PDE1C: variants seen among roughly 807,000 people sequenced by gnomAD.
The protein encoded by PDE1C is dual specificity calcium/calmodulin-dependent 3',5'-cyclic nucleotide phosphodiesterase 1C.
PDE1C carries 62 observed loss-of-function variants against 93.1 expected under a neutral mutation model. The observed-to-expected ratio is 0.67, with a 90% CI of 0.54 to 0.82. The LOEUF is 0.82. PDE1C is among the 40% of genes least tolerant of loss of function. The pLI, the probability that PDE1C is intolerant of heterozygous loss-of-function variation, is 0.00. For synonymous variants in PDE1C, 325 were observed against 310.1 expected, an observed-to-expected ratio of 1.05 and a Z score of -0.50; for missense variants, 742 against 884.6, an observed-to-expected ratio of 0.84 and a Z score of 2.04.
intron 1 of PDE1C, among the ~76,000 whole-genome samples, chr7:32,369,468 C>T (rs1203542621): frequency 1.3e-5 from 2 of 151,944 alleles, no homozygotes; most frequent in Non-Finnish European, 2.9e-5. Context: ...TGGCTGTTAT[C>T]AAAAGGACAA....
At chr7:32,267,961 T>A (rs1455909071) in intron 1 of PDE1C, among the ~76,000 whole-genome samples, 44 of 152,206 alleles carry the variant, frequency 2.9e-4, no homozygotes, top group Non-Finnish European at 1.5e-5. Flanking sequence ...TGAGGACGAC[T>A]GTGCTGAAAG....
the PDE1C span, among the ~76,000 whole-genome samples, chr7:31,623,640 C>G: frequency 7.5e-6 from 1 of 133,464 alleles, no homozygotes; most frequent in African/African-American, 2.7e-5. Flanking sequence ...AAACCCACAG[C>G]CAATATCATA....
rs188129149 is a variant in PDE1C at position 32,324,675 on chromosome 7, G to A, written c.310+103147C>T. Among the ~76,000 whole-genome samples, 317 of 152,304 alleles carry A rather than the reference G, an allele frequency of 2.1e-3. 2 individuals carry two copies. The highest frequency in any genetic ancestry group is 8.4e-3 in the Admixed American group (128 of 15,300). ...TTAAGATGCTGATGCAAGGTTGGGCGCGGTGGCTCATGCCTATAATCCCAG... is the reference window on the plus strand; with the variant it reads ...TTAAGATGCTGATGCAAGGTTGGGCACGGTGGCTCATGCCTATAATCCCAG... On this transcript the variant is annotated intron_variant, in intron 1 of 1. Coordinates refer to the PDE1C transcript ENST00000672256.
the PDE1C span, among the ~76,000 whole-genome samples, chr7:31,649,958 GT>G: frequency 1.3e-5 from 2 of 152,186 alleles, no homozygotes; most frequent in African/African-American, 4.8e-5. Flanking sequence ...ATAAGGGAGG[GT>G]GAAGAGTAGG....
chr7:32,199,120 A>C (rs1804824955), intron 2 of PDE1C, among the ~76,000 whole-genome samples: 1 of 149,324 alleles, frequency 6.7e-6, no homozygotes, highest in Non-Finnish European at 1.5e-5. Flanking sequence ...CAAAACTACC[A>C]AAAATAAAAA....
intron 3 of PDE1C, among the ~76,000 whole-genome samples, chr7:32,148,839 G>A (rs1801065787): frequency 6.6e-6 from 1 of 152,080 alleles, no homozygotes; most frequent in Non-Finnish European, 1.5e-5. Flanking sequence ...CATCCAGGAG[G>A]CCACTTTGCA....
chr7:31,921,187 C>G (rs1802578404), intron 2 of PDE1C, among the ~76,000 whole-genome samples: 1 of 152,148 alleles, frequency 6.6e-6, no homozygotes, highest in South Asian at 2.1e-4. Flanking sequence ...ATTCTTGAAA[C>G]TAGAGTTCTA....
At chr7:31,777,811 A>G (rs1783114239) in intron 16 of PDE1C, among the ~76,000 whole-genome samples, 1 of 152,212 alleles carries the variant, frequency 6.6e-6, no homozygotes, top group African/African-American at 2.4e-5. Context: ...GTTAATTTGT[A>G]TGAAGTGAAG....
At chr7:31,674,933 G>A in the PDE1C span, among the ~76,000 whole-genome samples, 54 of 152,272 alleles carry the variant, frequency 3.5e-4, 1 homozygote, top group South Asian at 0.01. Context: ...CAACTTCCCA[G>A]CAGCTAAGGA....
chr7:32,241,358 C>A (rs955166594), intron 1 of PDE1C, among the ~76,000 whole-genome samples: 9 of 152,082 alleles, frequency 5.9e-5, no homozygotes, highest in Admixed American at 4.6e-4. Flanking sequence ...TACCTCATAC[C>A]CAAGTGAAGA....
chr7:31,920,414 C>A (rs1247234580), intron 2 of PDE1C, among the ~76,000 whole-genome samples: 3 of 152,190 alleles, frequency 2.0e-5, no homozygotes, highest in African/African-American at 7.2e-5. Context: ...CTCCCTGCAA[C>A]CTCCAATCCC....
chr7:31,985,261 G>A (rs1408456111), intron 2 of PDE1C, among the ~76,000 whole-genome samples: 3 of 151,972 alleles, frequency 2.0e-5, no homozygotes, highest in Non-Finnish European at 4.4e-5. Flanking sequence ...CTCTATAAAA[G>A]CACTAAAGGG....
At chr7:31,974,577 G>A (rs1211843422) in intron 2 of PDE1C, among the ~76,000 whole-genome samples, 1 of 150,316 alleles carries the variant, frequency 6.7e-6, no homozygotes, top group Non-Finnish European at 1.5e-5. Context: ...GAGCCACTGG[G>A]ACATACTGGT....
At chr7:31,930,654 C>T (rs937610206) in intron 2 of PDE1C, among the ~76,000 whole-genome samples, 1 of 151,806 alleles carries the variant, frequency 6.6e-6, no homozygotes, top group Non-Finnish European at 1.5e-5. Flanking sequence ...TCCTGGCTAA[C>T]ACAGTGAAAC....
chr7:31,880,504 TG>T (rs1797108819), intron 3 of PDE1C, among the ~76,000 whole-genome samples: 1 of 152,214 alleles, frequency 6.6e-6, no homozygotes, highest in Non-Finnish European at 1.5e-5. Flanking sequence ...TCCTCTTTCA[TG>T]ATCTCACTTC....
At chr7:32,173,133 G>C (rs1334915356) in intron 2 of PDE1C, among the ~76,000 whole-genome samples, 1 of 152,148 alleles carries the variant, frequency 6.6e-6, no homozygotes, top group African/African-American at 2.4e-5. Context: ...CGATAGACTG[G>C]ATAAAGAAAA....
intron 1 of PDE1C, among the ~76,000 whole-genome samples, chr7:32,252,981 G>A (rs978767592): frequency 6.6e-6 from 1 of 152,190 alleles, no homozygotes. Flanking sequence ...GAGTAGCACA[G>A]TGGACAGGAA....
chr7:32,242,478 G>A (rs941965582), intron 1 of PDE1C, among the ~76,000 whole-genome samples: 13 of 152,198 alleles, frequency 8.5e-5, no homozygotes, highest in African/African-American at 2.9e-4. Context: ...ATCATTCGAG[G>A]TGAGGAAGTC....
At chr7:32,363,064 C>G (rs573187951) in intron 1 of PDE1C, among the ~76,000 whole-genome samples, 1 of 152,326 alleles carries the variant, frequency 6.6e-6, no homozygotes, top group Admixed American at 6.5e-5. Context: ...TGCCAAGCAC[C>G]GTTCAGCTTC....
Sources: allele counts gnomAD v4.1 joint callset (sites outside exome capture counted in the v4.1 genomes callset), GRCh38; gene constraint gnomAD v4.1.1; transcripts MANE v1.5; gene names NCBI Gene and HGNC (gene_info 2026-07-23, HGNC 2026-07-21).